The following TNRC18 variants were observed in gnomAD, a reference collection of about 807,000 sequenced individuals.
TNRC18 encodes the protein trinucleotide repeat-containing gene 18 protein.
A neutral mutation model predicts 226.7 loss-of-function variants in TNRC18; 69 were observed. The ratio of observed to expected loss-of-function variants is 0.30; its 90% CI spans 0.25 to 0.37. TNRC18 has a LOEUF of 0.37. Among genes scored for constraint, TNRC18 ranks in the 10% least tolerant of loss-of-function variants. TNRC18 has a pLI of 1.00. For synonymous variants in TNRC18, 2,449 were observed against 1,927.6 expected, an observed-to-expected ratio of 1.27 and a Z score of -7.09; for missense variants, 4,754 against 4,256.6, an observed-to-expected ratio of 1.12 and a Z score of -3.25.
chr7:5,399,660 C>T (rs1475461702), intron 2 of TNRC18, among the ~76,000 whole-genome samples: 6 of 151,910 alleles, frequency 3.9e-5, no homozygotes, highest in African/African-American at 1.5e-4. Context: ...GAGCCAAGAT[C>T]GCGCCACTGC....
chr7:5,402,178 C>CAAAAA lies in TNRC18; in HGVS notation c.188-7588_188-7584dup, dbSNP rs35794476. Among the ~76,000 whole-genome samples, 348 of 71,022 alleles carry CAAAAA rather than the reference C, an allele frequency of 4.9e-3. 10 individuals carry two copies. The highest frequency in any genetic ancestry group is 0.016 in the African/African-American group (255 of 15,880). The allele number at this position is 71,022 out of a possible 152,430, so 46.6% of individuals were successfully genotyped here. On this transcript the variant is annotated intron_variant, in intron 2 of 29. Transcript: ENST00000430969. ...TGGGCAACACAGCGAGACTCTGTCTCAAAAAAAAAAAAAAAAAAAAAAAGA... is the reference window on the plus strand; with the variant it reads ...TGGGCAACACAGCGAGACTCTGTCTCAAAAAAAAAAAAAAAAAAAAAAAAAAAAGA...
intron 2 of TNRC18, among the ~76,000 whole-genome samples, chr7:5,406,690 A>T: frequency 6.6e-6 from 1 of 152,042 alleles, no homozygotes; most frequent in African/African-American, 2.4e-5. Flanking sequence ...GTCTCTACTA[A>T]AAATACAAAA....
chr7:5,320,020 C>T (rs1376418626), intron 24 of TNRC18: 2 of 345,724 alleles, frequency 5.8e-6, no homozygotes, highest in Non-Finnish European at 1.1e-5. Context: ...GTGGGAAAAC[C>T]GAGACTGAGA....
intron 24 of TNRC18, among the ~76,000 whole-genome samples, chr7:5,319,780 G>A (rs1365742262): frequency 6.6e-6 from 1 of 152,146 alleles, no homozygotes; most frequent in Non-Finnish European, 1.5e-5. Context: ...AAAGTGCTGG[G>A]ATTACAGGCA....
At chr7:5,350,445 G>A (rs1018873178) in intron 17 of TNRC18, among the ~76,000 whole-genome samples, 4 of 139,574 alleles carry the variant, frequency 2.9e-5, no homozygotes, top group South Asian at 2.7e-4. Context: ...GGCGGGGGGC[G>A]GGGGCAGCAT....
chr7:5,313,049 GGAGGCCGGT>G lies in TNRC18; in HGVS notation c.7833_7841del (p.Pro2612_Ser2614del). 3 of 1,001,066 alleles carry G rather than the reference GGAGGCCGGT, an allele frequency of 3.0e-6. No individual in the cohort carries two copies. Among genetic ancestry groups the G allele is most frequent in the Non-Finnish European group, 3.0e-6 (2 of 657,614 alleles). The allele number at this position is 1,001,066 out of a possible 1,614,324, so 62.0% of individuals were successfully genotyped here. A position where few individuals can be genotyped will look rare whatever the true frequency, so the allele number is the denominator to read the frequency against. ...AGGAGGAGGATGAGGAGGAGGAGGA[GGAGGCCGGT>G]GAGGCCGCCCTGGAGCTGGCAGCGC... On this transcript the variant is annotated inframe_deletion, in exon 27 of 30. Transcript: ENST00000430969.
At chr7:5,368,214 C>A (rs537303086) in intron 11 of TNRC18, among the ~76,000 whole-genome samples, 100 of 152,110 alleles carry the variant, frequency 6.6e-4, no homozygotes, top group Non-Finnish European at 1.2e-3. Flanking sequence ...CGCTTGTAAT[C>A]CCAGCAATTT....
At position 5,324,069 on chromosome 7, in the gene TNRC18, A is replaced by G. The variant is rs1788647674; in HGVS notation, c.6442+145T>C. 2.2e-6 allele frequency: 2 copies of G among 925,056 alleles called. No homozygotes were observed. Among genetic ancestry groups the G allele is most frequent in the Non-Finnish European group, 3.2e-6 (2 of 630,076 alleles). 57.3% of individuals were successfully genotyped at this position (925,056 alleles called of 1,614,324 possible). A position where few individuals can be genotyped will look rare whatever the true frequency, so the allele number is the denominator to read the frequency against. ...CAGTCCAGCCTTCTCATCGACCCGG[A>G]TAACTCAGCCTCAGGATCTCTGCTC... On this transcript the variant is annotated intron_variant, in intron 21 of 29. Transcript: ENST00000430969. This position sits in a 1 kb window ranked among gnomAD's most constrained non-coding sequence, Gnocchi z 4.8.
chr7:5,333,124 C>G, intron 18 of TNRC18, 75 bp from the exon 19 acceptor site: 1 of 1,492,090 alleles, frequency 6.7e-7, no homozygotes, highest in East Asian at 2.5e-5. Flanking sequence ...ACATGGACAC[C>G]ATTCCTCCCC....
chr7:5,402,731 A>G (rs556363267), intron 2 of TNRC18, among the ~76,000 whole-genome samples: 1 of 151,226 alleles, frequency 6.6e-6, no homozygotes, highest in South Asian at 2.1e-4. Flanking sequence ...GTGGACGCCT[A>G]TAATCCCAGC....
At chr7:5,330,337 C>T (rs1052907266) in intron 19 of TNRC18, among the ~76,000 whole-genome samples, 2 of 152,062 alleles carry the variant, frequency 1.3e-5, no homozygotes, top group East Asian at 3.9e-4. Context: ...TCAAGCAATC[C>T]CCCTGCCCCA....
chr7:5,420,821 G>C (rs113626522), intron 2 of TNRC18: 61,231 of 698,352 alleles, frequency 0.088, 7,645 homozygotes, highest in African/African-American at 0.46. Flanking sequence ...CTACCACACC[G>C]GCTTTCGGCT....
chr7:5,325,012 A>G (rs1788748295), intron 20 of TNRC18, 84 bp downstream of exon 20: 1 of 1,454,828 alleles, frequency 6.9e-7, no homozygotes. Flanking sequence ...GTGAATACAG[A>G]GGAGCAGGTG....
At chr7:5,389,946 A>AG (rs34641836) in intron 4 of TNRC18, 64,875 of 160,074 alleles carry the variant, frequency 0.41, 15,424 homozygotes, top group East Asian at 0.83. Context: ...AGGAGAGACC[A>AG]GGGTTTGTTT....
intron 18 of TNRC18, among the ~76,000 whole-genome samples, chr7:5,343,036 A>G (rs1382138391): frequency 1.3e-5 from 2 of 152,158 alleles, no homozygotes; most frequent in African/African-American, 4.8e-5. Context: ...TATTTTTAAG[A>G]TATGTACAAT....
intron 5 of TNRC18, among the ~76,000 whole-genome samples, chr7:5,379,158 C>G (rs1217378243): frequency 6.6e-6 from 1 of 151,758 alleles, no homozygotes; most frequent in Non-Finnish European, 1.5e-5. Flanking sequence ...GATTGCACCA[C>G]TGCACTCCAG....
At chr7:5,317,320 T>A (rs1040367396) in intron 24 of TNRC18, among the ~76,000 whole-genome samples, 3 of 152,174 alleles carry the variant, frequency 2.0e-5, no homozygotes, top group Non-Finnish European at 4.4e-5. Flanking sequence ...CCTGGCGCAG[T>A]GGCTCACGCC....
At chr7:5,347,336 A>G (rs1284660841) in intron 17 of TNRC18, among the ~76,000 whole-genome samples, 2 of 147,888 alleles carry the variant, frequency 1.4e-5, no homozygotes, top group South Asian at 2.2e-4. Flanking sequence ...ACAGGCGCCC[A>G]CCACCACACC....
rs148493175 is a variant in TNRC18, at chr7:5,308,345, T to TG, written c.8701-34dup. ...CACGCGGGGATATCAGGATGGCAGG[T>TG]GGGGGGCACAGAGGCCGAGGGAGCC... On this transcript the variant is annotated intron_variant, in intron 29 of 29. Coordinates refer to ENST00000430969, the MANE Select transcript of TNRC18 (RefSeq NM_001080495.3). The TG allele has an allele frequency of 0.13, 202,586 of 1,579,180 alleles. 18,749 individuals carry two copies. The highest frequency in any genetic ancestry group is 0.53 in the East Asian group (22,550 of 42,648).
Sources: gnomAD v4.1 joint callset for allele counts (sites outside exome capture counted in the v4.1 genomes callset) on GRCh38, gnomAD v4.1.1 for gene constraint, Gnocchi (gnomAD v3.1) non-coding constraint, MANE v1.5 for transcripts, NCBI Gene and HGNC (gene_info 2026-07-23, HGNC 2026-07-21) for gene names.